Variants in SRPK3 observed in about 807,000 individuals in gnomAD.
SRPK3 encodes the protein SRSF protein kinase 3, also known as SFRS protein kinase 3.
SRPK3 carries 26 observed loss-of-function variants against 45.3 expected under a neutral mutation model. That is an observed-to-expected ratio of 0.57 (90% CI 0.42 to 0.80). SRPK3 has a LOEUF of 0.80. SRPK3 is among the 30% of genes least tolerant of loss of function. The pLI is 0.00. For synonymous variants in SRPK3, 254 were observed against 226.6 expected, an observed-to-expected ratio of 1.12 and a Z score of -1.09; for missense variants, 536 against 514.5, an observed-to-expected ratio of 1.04 and a Z score of -0.40.
rs782457009 is a variant in SRPK3, at chrX:153,784,070, C to A, written c.1004C>A (p.Ser335Tyr). ...ARAGPSPASS[S>Y]PAPGGGRSLS... Reference sequence around the variant, plus strand: ...GCAGGTCCCTCCCCAGCCTCTTCCTCCCCCGCCCCAGGGGGCGGCCGTAGC... The same window carrying A: ...GCAGGTCCCTCCCCAGCCTCTTCCTACCCCGCCCCAGGGGGCGGCCGTAGC... Residue 335 changes from serine (S) to tyrosine (Y), a missense_variant, in exon 10 of 15, where the codon TCC (serine) becomes TAC (tyrosine). Coordinates refer to ENST00000370101, the MANE Select transcript of SRPK3 (RefSeq NM_014370.4). The A allele has an allele frequency of 6.5e-5, 79 of 1,208,954 alleles. No homozygotes were observed. Among genetic ancestry groups the A allele is most frequent in the Non-Finnish European group, 7.9e-5 (71 of 894,841 alleles).
rs1206380419 is a variant in SRPK3 at position 153,783,674 on chromosome X, C to T, written c.775-78C>T. On this transcript the variant is annotated intron_variant, in intron 8 of 14. Coordinates refer to ENST00000370101, the MANE Select transcript of SRPK3 (RefSeq NM_014370.4). The stretch of plus-strand genomic sequence containing the variant: ...GGGCCCGGAGAGGCCTCTTCCCTGG[C>T]GGCTGTGCAGGGAAACCTCCACTTC... 1.7e-5 allele frequency: 20 copies of T among 1,178,114 alleles called. No individual in the cohort carries two copies. In the East Asian group the frequency reaches 2.4e-4, roughly 14 times the overall value.
chrX:153,783,630 G>C, intron 8 of SRPK3, 122 bp from the exon 9 acceptor site: 2 of 1,083,451 alleles, frequency 1.8e-6, no homozygotes, highest in Non-Finnish European at 2.5e-6. Flanking sequence ...GCCACATTCT[G>C]GTGTCCATGG....
Position 153,784,926 on chromosome X carries a change from C to T in SRPK3, c.1357-8C>T, listed in dbSNP as rs199648039. ...CCAGCCAGCAGCCTCACCTCCTCCCCCTTCCAGGCCTTCGAGCTGGCCACT... is the reference window on the plus strand; with the variant it reads ...CCAGCCAGCAGCCTCACCTCCTCCCTCTTCCAGGCCTTCGAGCTGGCCACT... On this transcript the variant is annotated splice_region_variant and splice_polypyrimidine_tract_variant and intron_variant, in intron 12 of 14. Transcript: ENST00000370101. 7 of 1,209,730 alleles carry T rather than the reference C, an allele frequency of 5.8e-6. No homozygotes were observed. The highest frequency in any genetic ancestry group is 1.8e-5 in the South Asian group (1 of 56,846).
At chrX:153,783,549 G>A (rs781949180) in intron 8 of SRPK3, among the ~76,000 whole-genome samples, 1 of 112,967 alleles carries the variant, frequency 8.9e-6, no homozygotes, top group Non-Finnish European at 1.9e-5. Context: ...TCCTAATGGA[G>A]CTGTGGGGAG....
chrX:153,783,573 G>A (rs1557067740), intron 8 of SRPK3, among the ~76,000 whole-genome samples, 179 bp from the exon 9 acceptor site: 1 of 112,648 alleles, frequency 8.9e-6, no homozygotes, highest in South Asian at 3.7e-4. Flanking sequence ...GGCCACAGGC[G>A]GGGAGGCAGG....
Position 153,784,774 on chromosome X carries a change from C to A in SRPK3, c.1273C>A (p.Gln425Lys). ...GCACAAGCACTTCACGGAAGACATC[C>A]AGACTCGGCAGTACCGGGCCGTCGA... Reference protein sequence around the residue: ...WVHKHFTEDIQTRQYRAVEVL... With the variant: ...WVHKHFTEDIKTRQYRAVEVL... Residue 425 changes from glutamine to lysine, a missense_variant, in exon 12 of 15, where the codon CAG becomes AAG. Coordinates refer to ENST00000370101, the MANE Select transcript of SRPK3 (RefSeq NM_014370.4). 3 of 1,211,576 alleles carry A rather than the reference C, an allele frequency of 2.5e-6. No individual in the cohort carries two copies. Among genetic ancestry groups the A allele is most frequent in the South Asian group, 1.8e-5 (1 of 57,061 alleles).
chrX:153,785,229 C>T, intron 14 of SRPK3, 56 bp downstream of exon 14: 1 of 1,182,375 alleles, frequency 8.5e-7, no homozygotes. Context: ...GGACGGGGAC[C>T]TTGGATTCTG....
intron 11 of SRPK3, 74 bp from the exon 12 acceptor site, chrX:153,784,676 G>T: frequency 8.8e-7 from 1 of 1,131,122 alleles, no homozygotes. Flanking sequence ...TAGGCGGATC[G>T]GGGTGGGGCA....
At position 153,783,757 on chromosome X, in the gene SRPK3, C is replaced by T. The variant is rs1390668346; in HGVS notation, c.780C>T (p.Thr260=). 3 of 1,210,598 alleles carry T rather than the reference C, an allele frequency of 2.5e-6. No homozygotes were observed. The highest frequency in any genetic ancestry group is 3.4e-6 in the Non-Finnish European group (3 of 895,397). The change falls in exon 9 of 15, where the codon ACC becomes ACT. Residue 260 remains threonine (T), a synonymous_variant. Transcript: ENST00000370101. The part of the protein sequence containing the change: ...VSTAPQEVLQ[T]GKLSKNKRKK... ...GGTGACCCTGGCTCTGACAGCAGAC[C>T]GGTAAGCTGTCCAAAAACAAGAGGA...
intron 11 of SRPK3, 54 bp downstream of exon 11, chrX:153,784,448 C>A: frequency 8.8e-7 from 1 of 1,140,226 alleles, no homozygotes; most frequent in Non-Finnish European, 1.2e-6. Flanking sequence ...AGGGTGGAGG[C>A]ACAGGGCCGC....
At chrX:153,781,680 C>A in intron 3 of SRPK3, 63 bp from the exon 4 acceptor site, 2 of 1,199,694 alleles carry the variant, frequency 1.7e-6, no homozygotes, top group East Asian at 5.9e-5. Context: ...TTGCTTGGGG[C>A]CACCCTGATC....
At chrX:153,783,201 CA>C (rs201877372) in intron 7 of SRPK3, 24 bp from the exon 8 acceptor site, 76,876 of 744,036 alleles carry the variant, frequency 0.1, 1,747 homozygotes, top group African/African-American at 0.26. Context: ...TGTCCCCCCC[CA>C]CCGCTCCCCA....
rs143008259 is a variant in SRPK3, at chrX:153,782,849, G to A, written c.553G>A (p.Val185Met). The A allele has an allele frequency of 2.8e-5, 34 of 1,209,596 alleles. No homozygotes were observed. Among genetic ancestry groups the A allele is most frequent in the Middle Eastern group, 2.3e-4 (1 of 4,370 alleles). The change falls in exon 6 of 15, where the codon GTG becomes ATG. Residue 185 changes from valine (V) to methionine (M), a missense_variant. Coordinates refer to ENST00000370101, the MANE Select transcript of SRPK3 (RefSeq NM_014370.4). ...IIKSNYQGLPVPCVKSIVRQV... is the reference protein window; with the variant it reads ...IIKSNYQGLPMPCVKSIVRQV... ...CAAGTCCAACTACCAGGGCCTGCCC[G>A]TGCCCTGCGTGAAGAGCATCGTGAG...
rs1557066708 is a variant in SRPK3 at position 153,781,236 on chromosome X, C to T, written c.80C>T (p.Pro27Leu). The change falls in exon 2 of 15, where the codon CCC becomes CTC. Residue 27 changes from proline to leucine, a missense_variant. Transcript: ENST00000370101. ...CGCAGCTCACAGGCCTCCTGCGGGC[C>T]CGAGTCCTCGGGCTCCGAACTAGCC... Reference protein sequence around the residue: ...SSSSSQASCGPESSGSELALA... With the variant: ...SSSSSQASCGLESSGSELALA... 8.3e-7 allele frequency: 1 copy of T among 1,208,603 alleles called. No homozygotes were observed. The highest frequency in any genetic ancestry group is 1.1e-6 in the Non-Finnish European group (1 of 894,194).
chrX:153,785,155 G>C lies in SRPK3; in HGVS notation c.1501G>C (p.Glu501Gln). 1.7e-6 allele frequency: 2 copies of C among 1,210,298 alleles called. No individual in the cohort carries two copies. Among genetic ancestry groups the C allele is most frequent in the Non-Finnish European group, 2.2e-6 (2 of 895,067 alleles). The part of the protein sequence containing the change: ...AFALSGRYSR[E>Q]FFNRRGELRH... ...CGCCCTCTCAGGCCGCTATTCCCGGGAGTTCTTCAACCGGAGAGGTGAGGG... is the reference window on the plus strand; with the variant it reads ...CGCCCTCTCAGGCCGCTATTCCCGGCAGTTCTTCAACCGGAGAGGTGAGGG... Residue 501 changes from glutamate to glutamine, a missense_variant, in exon 14 of 15, where the codon GAG becomes CAG. Physicochemically the swap from Glu to Gln is conservative, Grantham distance 29. Coordinates refer to ENST00000370101, the MANE Select transcript of SRPK3 (RefSeq NM_014370.4).
Position 153,784,966 on chromosome X carries a change from C to T in SRPK3, c.1389C>T (p.Phe463=), listed in dbSNP as rs781835961. 31 of 1,208,153 alleles carry T rather than the reference C, an allele frequency of 2.6e-5. No individual in the cohort carries two copies. The highest frequency in any genetic ancestry group is 3.5e-5 in the African/African-American group (2 of 57,490). ...AGCTGGCCACTGGTGACTACCTGTT[C>T]GAGCCGCATTCTGGAGAAGACTACA... ...AFELATGDYL[F]EPHSGEDYSR... Residue 463 remains phenylalanine (F), a synonymous_variant, in exon 13 of 15, where the codon TTC becomes TTT. Coordinates refer to ENST00000370101, the MANE Select transcript of SRPK3 (RefSeq NM_014370.4).
chrX:153,784,482 T>G (rs1444196171), intron 11 of SRPK3, 88 bp downstream of exon 11: 1 of 1,022,592 alleles, frequency 9.8e-7, no homozygotes, highest in Non-Finnish European at 1.3e-6. Context: ...TACCCCAGTC[T>G]GCAGTGCACG....
chrX:153,782,004 G>A (rs2092055195), intron 4 of SRPK3, 117 bp from the exon 5 acceptor site: 1 of 870,439 alleles, frequency 1.1e-6, no homozygotes, highest in Non-Finnish European at 1.7e-6. Flanking sequence ...GGACAGGAGG[G>A]GTTGGCGGCC....
Position 153,785,558 on chromosome X carries a change from A to C in SRPK3, c.*38A>C. The C allele has an allele frequency of 1.7e-6, 2 of 1,184,517 alleles. No individual in the cohort carries two copies. Among genetic ancestry groups the C allele is most frequent in the Non-Finnish European group, 2.3e-6 (2 of 877,255 alleles). ...CTCCACCTCCAGCTCTCCGTGCCTT[A>C]AGGGAAAAGCGGGACAGCTCCCACC... On this transcript the variant is annotated 3_prime_UTR_variant, in exon 15 of 15. Transcript: ENST00000370101.
Sources: gnomAD v4.1 joint callset for allele counts (sites outside exome capture counted in the v4.1 genomes callset) on GRCh38, gnomAD v4.1.1 for gene constraint, MANE v1.5 for transcripts, NCBI Gene and HGNC (gene_info 2026-07-23, HGNC 2026-07-21) for gene names.